Variants in SLC4A3 observed in about 807,000 individuals in gnomAD.
The protein encoded by SLC4A3 is solute carrier family 4 member 3.
SLC4A3 carries 47 observed loss-of-function variants against 114.2 expected under a neutral mutation model. The ratio of observed to expected loss-of-function variants is 0.41; its 90% CI spans 0.33 to 0.52. The LOEUF (loss-of-function observed/expected upper bound fraction) is 0.52. SLC4A3 is among the 20% of genes least tolerant of loss of function. The probability of loss-of-function intolerance (pLI) is 0.21; values close to 1 mark genes in which losing one functional copy is unlikely to be tolerated. For missense variants in SLC4A3, 1,312 were observed against 1,668.3 expected, an observed-to-expected ratio of 0.79 and a Z score of 3.72; for synonymous variants, 693 against 710.3, an observed-to-expected ratio of 0.98 and a Z score of 0.39.
chr2:219,633,238 C>G, intron 9 of SLC4A3, 36 bp from the exon 10 acceptor site: 1 of 1,528,980 alleles, frequency 6.5e-7, no homozygotes. Flanking sequence ...TACCATGAGC[C>G]TCTCCTCCTC....
In SLC4A3 at chr2:219,629,677, G is replaced by A. The variant is rs773348820; in HGVS notation, c.593G>A (p.Ser198Asn). The change falls in exon 5 of 23, where the codon AGC (serine) becomes AAC (asparagine). Residue 198 changes from serine (S) to asparagine (N), a missense_variant. Around this residue, in one of 4 missense-constraint regions of SLC4A3, gnomAD observed 771 missense variants for 977.7 expected, o/e 0.79. Coordinates refer to ENST00000358055, the MANE Select transcript of SLC4A3 (RefSeq NM_005070.4). ...LPSVGPHTDK[S>N]PQHSSSSPSP... The stretch of plus-strand genomic sequence containing the variant: ...TCGGTGGGCCCACACACTGACAAGA[G>A]CCCCCAGCACTCCAGCAGGTACTGG... 4 of 1,612,342 alleles carry A rather than the reference G, an allele frequency of 2.5e-6. No individual in the cohort carries two copies. The highest frequency in any genetic ancestry group is 3.4e-6 in the Non-Finnish European group (4 of 1,179,162).
At position 219,628,543 on chromosome 2, in the gene SLC4A3, C is replaced by T. The variant is rs767670149; in HGVS notation, c.190C>T (p.Arg64Cys). ...GGCCTGGGACCCCGAGAAGCCCAGC[C>T]GCAGCTACAGCGAGCGGGACTTTGA... ...PPAWDPEKPS[R>C]SYSERDFEFH... Residue 64 changes from arginine (R) to cysteine (C), a missense_variant, in exon 3 of 23, where the codon CGC (arginine) becomes TGC (cysteine). Arg to Cys is a radical substitution (Grantham distance 180). Around this residue, in one of 4 missense-constraint regions of SLC4A3, gnomAD observed 236 missense variants for 212.1 expected, o/e 1.11. Transcript: ENST00000358055. The surrounding 1 kb of genome is among the most constrained non-coding windows in gnomAD (Gnocchi z 4.8). The T allele has an allele frequency of 5.0e-6, 8 of 1,613,472 alleles. No individual in the cohort carries two copies. Among genetic ancestry groups the T allele is most frequent in the South Asian group, 1.1e-5 (1 of 91,054 alleles).
chr2:219,632,113 T>C lies in SLC4A3; in HGVS notation c.957T>C (p.His319=), dbSNP rs752614207. The change falls in exon 7 of 23, where the codon CAT becomes CAC. Residue 319 remains histidine, a synonymous_variant. Coordinates refer to ENST00000358055, the MANE Select transcript of SLC4A3 (RefSeq NM_005070.4). Reference sequence around the variant, plus strand: ...AGAAAAAGCTGGACCGGAGGCCTCATGAGGTCAGGATGCTGACTGGGTGGG... The same window carrying C: ...AGAAAAAGCTGGACCGGAGGCCTCACGAGGTCAGGATGCTGACTGGGTGGG... The part of the protein sequence containing the change: ...KKKKKLDRRP[H]EVFVELNELM... The C allele has an allele frequency of 1.2e-6, 2 of 1,609,886 alleles. No homozygotes were observed. The highest frequency in any genetic ancestry group is 2.2e-5 in the East Asian group (1 of 44,786).
chr2:219,628,157 C>A lies in SLC4A3; in HGVS notation c.51+114C>A. 1 of 911,608 alleles carries A rather than the reference C, an allele frequency of 1.1e-6. No individual in the cohort carries two copies. Among genetic ancestry groups the A allele is most frequent in the African/African-American group, 1.7e-5 (1 of 58,868 alleles). 56.5% of individuals were successfully genotyped at this position (911,608 alleles called of 1,614,324 possible). ...GGGACCCCCCAGATCCAGGGATGAG[C>A]TGGGCTGGGGGTTACGGAGAAAGAG... On this transcript the variant is annotated intron_variant, in intron 2 of 22. Coordinates refer to ENST00000358055, the MANE Select transcript of SLC4A3 (RefSeq NM_005070.4). This position sits in a 1 kb window ranked among gnomAD's most constrained non-coding sequence, Gnocchi z 4.8.
rs1382675915 is a variant in SLC4A3, at chr2:219,638,365, C to T, written c.2856+112C>T. Reference sequence around the variant, plus strand: ...GGGATCAGGCCTGAACTCAACTTTCCCAGTGGAGTGGCCGCCCTGGGGGCT... The same window carrying T: ...GGGATCAGGCCTGAACTCAACTTTCTCAGTGGAGTGGCCGCCCTGGGGGCT... On this transcript the variant is annotated intron_variant, in intron 18 of 22. Transcript: ENST00000358055. The surrounding 1 kb of genome is among the most constrained non-coding windows in gnomAD (Gnocchi z 7.5). 2 of 902,714 alleles carry T rather than the reference C, an allele frequency of 2.2e-6. No homozygotes were observed. The highest frequency in any genetic ancestry group is 1.7e-6 in the Non-Finnish European group (1 of 575,976). The allele number at this position is 902,714 out of a possible 1,614,324, so 55.9% of individuals were successfully genotyped here. A position where few individuals can be genotyped will look rare whatever the true frequency, so the allele number is the denominator to read the frequency against.
At chr2:219,629,790 C>T (rs1017780500) in intron 5 of SLC4A3, 95 bp downstream of exon 5, 2 of 778,120 alleles carry the variant, frequency 2.6e-6, no homozygotes, top group African/African-American at 1.9e-5. Flanking sequence ...TGGGGAGTGT[C>T]CCCAGCTCTG....
In SLC4A3 at chr2:219,641,633, C is replaced by A; in HGVS notation, c.3622-18C>A. On this transcript the variant is annotated intron_variant, in intron 22 of 22. Coordinates refer to ENST00000358055, the MANE Select transcript of SLC4A3 (RefSeq NM_005070.4). The surrounding 1 kb of genome is among the most constrained non-coding windows in gnomAD (Gnocchi z 4.0). ...AGCATGCTTCCCTGCCTTCCCCAAC[C>A]TTCTGTTCCCTCTGCAGCTGGACTC... 6.2e-7 allele frequency: 1 copy of A among 1,610,270 alleles called. No homozygotes were observed. The highest frequency in any genetic ancestry group is 8.5e-7 in the Non-Finnish European group (1 of 1,176,498).
chr2:219,631,418 CA>C lies in SLC4A3; in HGVS notation c.812-549del, dbSNP rs1455651346. 50 of 1,304,144 alleles carry C rather than the reference CA, an allele frequency of 3.8e-5. No individual in the cohort carries two copies. Among genetic ancestry groups the C allele is most frequent in the African/African-American group, 2.0e-4 (13 of 65,860 alleles). The allele number at this position is 1,304,144 out of a possible 1,614,324, so 80.8% of individuals were successfully genotyped here. A position where few individuals can be genotyped will look rare whatever the true frequency, so the allele number is the denominator to read the frequency against. On this transcript the variant is annotated intron_variant, in intron 6 of 22. Transcript: ENST00000358055. The surrounding 1 kb of genome is among the most constrained non-coding windows in gnomAD (Gnocchi z 6.3). ...AGGATGGTGACCTGTGGGAGTCCAT[CA>C]GGGGCCAGCTGGGCCCCATGGCAGG... is the stretch of plus-strand genomic sequence containing the variant.
chr2:219,628,238 G>T lies in SLC4A3; in HGVS notation c.52-167G>T, dbSNP rs553517754. ...CCCTCTCTCTTTACAAGCTCTGGGA[G>T]CCCAGAGAGGGTGGTTTCTGGGATG... On this transcript the variant is annotated intron_variant, in intron 2 of 22. Transcript: ENST00000358055. This position sits in a 1 kb window ranked among gnomAD's most constrained non-coding sequence, Gnocchi z 4.8. 1.3e-4 allele frequency among the ~76,000 whole-genome samples: 20 copies of T among 152,070 alleles called. No individual in the cohort carries two copies. Among genetic ancestry groups the T allele is most frequent in the Non-Finnish European group, 2.6e-4 (18 of 67,976 alleles).
In SLC4A3 at chr2:219,636,703, G is replaced by A; in HGVS notation, c.2364G>A (p.Glu788=). ...FFKFCRAQDL[E]YLTGRVWVGL... ...AGTTCTGCCGAGCCCAGGACCTGGA[G>A]TACCTCACTGGCCGGGTGTGGGTTG... The change falls in exon 16 of 23, where the codon GAG becomes GAA. Residue 788 remains glutamate, a synonymous_variant. Coordinates refer to ENST00000358055, the MANE Select transcript of SLC4A3 (RefSeq NM_005070.4). This position sits in a 1 kb window ranked among gnomAD's most constrained non-coding sequence, Gnocchi z 5.5. 1.2e-6 allele frequency: 2 copies of A among 1,613,962 alleles called. No homozygotes were observed. The highest frequency in any genetic ancestry group is 2.2e-5 in the South Asian group (2 of 91,066).
rs778766433 is a variant in SLC4A3, at chr2:219,630,074, C to T, written c.612-79C>T. 8 of 1,572,720 alleles carry T rather than the reference C, an allele frequency of 5.1e-6. No individual in the cohort carries two copies. The highest frequency in any genetic ancestry group is 4.5e-5 in the East Asian group (2 of 44,388). ...CTCATGCTCAGGGTCTACTCCAGGC[C>T]GTGCTCTGAGCTGAGGGACGGTGAT... is the stretch of plus-strand genomic sequence containing the variant. On this transcript the variant is annotated intron_variant, in intron 5 of 22. Coordinates refer to ENST00000358055, the MANE Select transcript of SLC4A3 (RefSeq NM_005070.4). The surrounding 1 kb of genome is among the most constrained non-coding windows in gnomAD (Gnocchi z 6.9).
Position 219,628,214 on chromosome 2 carries a change from CCT to C in SLC4A3, c.51+178_51+179del, listed in dbSNP as rs1698786949. On this transcript the variant is annotated intron_variant, in intron 2 of 22. Coordinates refer to ENST00000358055, the MANE Select transcript of SLC4A3 (RefSeq NM_005070.4). This position sits in a 1 kb window ranked among gnomAD's most constrained non-coding sequence, Gnocchi z 4.8. ...TTTTGATATTTTCCAGATCCGTAGCCCTCTCTCTTTACAAGCTCTGGGAGCCC... is the reference window on the plus strand; with the variant it reads ...TTTTGATATTTTCCAGATCCGTAGCCCTCTCTTTACAAGCTCTGGGAGCCC... Among the ~76,000 whole-genome samples the C allele has an allele frequency of 6.6e-6, 1 of 152,032 alleles. No individual in the cohort carries two copies. The highest frequency in any genetic ancestry group is 2.4e-5 in the African/African-American group (1 of 41,388).
intron 21 of SLC4A3, 59 bp from the exon 22 acceptor site, chr2:219,640,730 T>C: frequency 6.3e-7 from 1 of 1,578,828 alleles, no homozygotes; most frequent in Non-Finnish European, 8.6e-7. Flanking sequence ...CCCCACGATG[T>C]GGGTGGGTGG....
In SLC4A3 at chr2:219,638,318, C is replaced by T; in HGVS notation, c.2856+65C>T. The T allele has an allele frequency of 8.1e-7, 1 of 1,241,822 alleles. No individual in the cohort carries two copies. The highest frequency in any genetic ancestry group is 1.2e-6 in the Non-Finnish European group (1 of 859,882). 76.9% of individuals were successfully genotyped at this position (1,241,822 alleles called of 1,614,324 possible). ...AGGCCAGGAGAGGGAGCCCACAACACACTTCCATGGGCCCTGGGATTGGGA... is the reference window on the plus strand; with the variant it reads ...AGGCCAGGAGAGGGAGCCCACAACATACTTCCATGGGCCCTGGGATTGGGA... On this transcript the variant is annotated intron_variant, in intron 18 of 22. Transcript: ENST00000358055. This position sits in a 1 kb window ranked among gnomAD's most constrained non-coding sequence, Gnocchi z 7.5.
chr2:219,629,517 G>A, intron 4 of SLC4A3, 63 bp from the exon 5 acceptor site: 1 of 1,585,170 alleles, frequency 6.3e-7, no homozygotes, highest in Non-Finnish European at 8.7e-7. Context: ...TGTGAGGCTG[G>A]GTAGGGTTGG....
intron 21 of SLC4A3, 35 bp downstream of exon 21, chr2:219,640,634 G>C: frequency 6.2e-7 from 1 of 1,604,106 alleles, no homozygotes. Flanking sequence ...GGGCAGTGGG[G>C]TGACGGGAAG....
chr2:219,638,250 G>T lies in SLC4A3; in HGVS notation c.2853G>T (p.Thr951=), dbSNP rs762607294. The part of the protein sequence containing the change: ...LVDYSITDTY[T]QKLTVPTGLS... Reference sequence around the variant, plus strand: ...ATTACTCCATCACAGACACCTACACGCAGGTGAGGGAGCCCCAGCCTGTGG... The same window carrying T: ...ATTACTCCATCACAGACACCTACACTCAGGTGAGGGAGCCCCAGCCTGTGG... The change falls in exon 18 of 23, where the codon ACG becomes ACT. Residue 951 remains threonine (T), a synonymous_variant. Coordinates refer to ENST00000358055, the MANE Select transcript of SLC4A3 (RefSeq NM_005070.4). This position sits in a 1 kb window ranked among gnomAD's most constrained non-coding sequence, Gnocchi z 7.5. 1.2e-6 allele frequency: 2 copies of T among 1,608,482 alleles called. No individual in the cohort carries two copies. Among genetic ancestry groups the T allele is most frequent in the South Asian group, 2.2e-5 (2 of 90,258 alleles).
Position 219,628,216 on chromosome 2 carries a change from T to G in SLC4A3, c.51+173T>G, listed in dbSNP as rs1372553767. On this transcript the variant is annotated intron_variant, in intron 2 of 22. Coordinates refer to ENST00000358055, the MANE Select transcript of SLC4A3 (RefSeq NM_005070.4). This position sits in a 1 kb window ranked among gnomAD's most constrained non-coding sequence, Gnocchi z 4.8. ...TTGATATTTTCCAGATCCGTAGCCC[T>G]CTCTCTTTACAAGCTCTGGGAGCCC... Among the ~76,000 whole-genome samples the G allele has an allele frequency of 6.6e-6, 1 of 152,034 alleles. No homozygotes were observed. The highest frequency in any genetic ancestry group is 1.5e-5 in the Non-Finnish European group (1 of 67,972).
rs756476181 is a variant in SLC4A3, at chr2:219,634,410, C to G, written c.1562-10C>G. 6.2e-7 allele frequency: 1 copy of G among 1,613,638 alleles called. No homozygotes were observed. Among genetic ancestry groups the G allele is most frequent in the Non-Finnish European group, 8.5e-7 (1 of 1,179,660 alleles). ...TTTGCCCAGCGCCCTGTGCTTTCCT[C>G]TTCCCCTAGGTTGTGTGCCTTTCTT... On this transcript the variant is annotated splice_polypyrimidine_tract_variant and intron_variant, in intron 11 of 22. Transcript: ENST00000358055.
Sources: gnomAD v4.1 joint callset for allele counts (sites outside exome capture counted in the v4.1 genomes callset) on GRCh38, gnomAD v4.1.1 for gene constraint, gnomAD v4.1.1 regional missense constraint, Gnocchi (gnomAD v3.1) non-coding constraint, MANE v1.5 for transcripts, NCBI Gene and HGNC (gene_info 2026-07-23, HGNC 2026-07-21) for gene names.